HNRNPR: variants seen among roughly 807,000 people sequenced by gnomAD.
HNRNPR encodes heterogeneous nuclear ribonucleoprotein R.
A neutral mutation model predicts 70.3 loss-of-function variants in HNRNPR; 4 were observed. The observed-to-expected ratio is 0.06, with a 90% CI of 0.03 to 0.13. The LOEUF is 0.13. Ranked by LOEUF, HNRNPR falls within the 10% of genes least tolerant of loss-of-function variation. HNRNPR has a pLI of 1.00. For missense variants in HNRNPR, 423 were observed against 788.5 expected (o/e 0.54, Z 5.55); for synonymous variants, 241 against 267.6 (o/e 0.90, Z 0.97).
rs1257509667 is a variant in HNRNPR at position 23,307,270 on chromosome 1, T to C, written c.*3184A>G. On this transcript the variant is annotated 3_prime_UTR_variant, in exon 11 of 11. Coordinates refer to ENST00000302271, the MANE Select transcript of HNRNPR (RefSeq NM_005826.5). ...TATATTCAAATGGGCAGGAGGCAAATGATGTAATGAGTTTCAAGAATAATA... is the reference window on the plus strand; with the variant it reads ...TATATTCAAATGGGCAGGAGGCAAACGATGTAATGAGTTTCAAGAATAATA... 1 of 152,094 alleles carries C rather than the reference T, an allele frequency of 6.6e-6. No homozygotes were observed. Among genetic ancestry groups the C allele is most frequent in the Non-Finnish European group, 1.5e-5 (1 of 67,966 alleles). 9.4% of individuals were successfully genotyped at this position (152,094 alleles called of 1,614,324 possible).
intron 7 of HNRNPR, among the ~76,000 whole-genome samples, chr1:23,319,595 A>T (rs1230539857): frequency 2.0e-5 from 3 of 152,158 alleles, no homozygotes; most frequent in Non-Finnish European, 4.4e-5. Context: ...CTTCTCTCCA[A>T]GCCCCTATCC....
Position 23,318,746 on chromosome 1 carries a change from T to C in HNRNPR, c.812-58A>G. ...AAGCATCCACCACACATCTAGCGAT[T>C]AGGCAGACCTAAATCCACTTGACGA... On this transcript the variant is annotated intron_variant, in intron 7 of 10. Coordinates refer to ENST00000302271, the MANE Select transcript of HNRNPR (RefSeq NM_005826.5). The surrounding 1 kb of genome is among the most constrained non-coding windows in gnomAD (Gnocchi z 4.2). The C allele has an allele frequency of 1.9e-6, 3 of 1,543,260 alleles. No homozygotes were observed. Among genetic ancestry groups the C allele is most frequent in the Middle Eastern group, 1.7e-4 (1 of 5,916 alleles).
Position 23,307,114 on chromosome 1 carries a change from T to G in HNRNPR, c.*3340A>C, listed in dbSNP as rs1645214117. 1 of 152,166 alleles carries G rather than the reference T, an allele frequency of 6.6e-6. No individual in the cohort carries two copies. Among genetic ancestry groups the G allele is most frequent in the Non-Finnish European group, 1.5e-5 (1 of 68,008 alleles). 9.4% of individuals were successfully genotyped at this position (152,166 alleles called of 1,614,324 possible). A position where few individuals can be genotyped will look rare whatever the true frequency, so the allele number is the denominator to read the frequency against. On this transcript the variant is annotated 3_prime_UTR_variant, in exon 11 of 11. Coordinates refer to ENST00000302271, the MANE Select transcript of HNRNPR (RefSeq NM_005826.5). ...GTAGCTCAGTATAATAAAATTATCT[T>G]TGAAAAATCAAAATGACAAGTTTTA...
At chr1:23,329,903 T>G (rs1646146244) in intron 5 of HNRNPR, among the ~76,000 whole-genome samples, 1 of 152,160 alleles carries the variant, frequency 6.6e-6, no homozygotes, top group African/African-American at 2.4e-5. Context: ...AATGCTAGGA[T>G]TACAAGCATG....
chr1:23,318,960 G>A lies in HNRNPR; in HGVS notation c.812-272C>T, dbSNP rs561739786. On this transcript the variant is annotated intron_variant, in intron 7 of 10. Coordinates refer to ENST00000302271, the MANE Select transcript of HNRNPR (RefSeq NM_005826.5). This position sits in a 1 kb window ranked among gnomAD's most constrained non-coding sequence, Gnocchi z 4.2. ...ATTTAACATGCTACAATGTTTTAGA[G>A]CGTTTGATATAACATGACTTTATTA... Among the ~76,000 whole-genome samples, 2 of 152,212 alleles carry A rather than the reference G, an allele frequency of 1.3e-5. No homozygotes were observed. Among genetic ancestry groups the A allele is most frequent in the South Asian group, 2.1e-4 (1 of 4,826 alleles).
In HNRNPR at chr1:23,306,380, TA is replaced by T. The variant is rs914062495; in HGVS notation, c.*4073del. The T allele has an allele frequency of 8.7e-4, 125 of 143,940 alleles. No individual in the cohort carries two copies. Among genetic ancestry groups the T allele is most frequent in the Middle Eastern group, 7.1e-3 (2 of 280 alleles). 8.9% of individuals were successfully genotyped at this position (143,940 alleles called of 1,614,324 possible). A position where few individuals can be genotyped will look rare whatever the true frequency, so the allele number is the denominator to read the frequency against. On this transcript the variant is annotated 3_prime_UTR_variant, in exon 11 of 11. Coordinates refer to ENST00000302271, the MANE Select transcript of HNRNPR (RefSeq NM_005826.5). The stretch of plus-strand genomic sequence containing the variant: ...CCCACACTTAATGCCCCACTACTGA[TA>T]AAAAAAAAAATAGGAAAAAAAAGTT...
In HNRNPR at chr1:23,310,321, T is replaced by G. The variant is rs1413976639; in HGVS notation, c.*133A>C. The G allele has an allele frequency of 2.5e-6, 2 of 806,586 alleles. No homozygotes were observed. Among genetic ancestry groups the G allele is most frequent in the Non-Finnish European group, 3.9e-6 (2 of 509,176 alleles). The allele number at this position is 806,586 out of a possible 1,614,324, so 50.0% of individuals were successfully genotyped here. A position where few individuals can be genotyped will look rare whatever the true frequency, so the allele number is the denominator to read the frequency against. On this transcript the variant is annotated 3_prime_UTR_variant, in exon 11 of 11. Transcript: ENST00000302271. This position sits in a 1 kb window ranked among gnomAD's most constrained non-coding sequence, Gnocchi z 6.0. Reference sequence around the variant, plus strand: ...GACTTGAGTATATACACAATAGTGATTTCTTCAGCCCAATACAAATGGCAG... The same window carrying G: ...GACTTGAGTATATACACAATAGTGAGTTCTTCAGCCCAATACAAATGGCAG...
intron 8 of HNRNPR, among the ~76,000 whole-genome samples, chr1:23,317,643 T>A (rs1645601215): frequency 6.6e-6 from 1 of 151,994 alleles, no homozygotes; most frequent in Non-Finnish European, 1.5e-5. Context: ...AACATGACAA[T>A]CTTTTGCCTT....
rs2849019 is a variant in HNRNPR at position 23,319,624 on chromosome 1, T to C, written c.812-936A>G. On this transcript the variant is annotated intron_variant, in intron 7 of 10. Coordinates refer to ENST00000302271, the MANE Select transcript of HNRNPR (RefSeq NM_005826.5). Reference sequence around the variant, plus strand: ...CCTATCCACAGAGCGCTAGGAATAATATCCCATAAACAAGAAATAGGTGTT... The same window carrying C: ...CCTATCCACAGAGCGCTAGGAATAACATCCCATAAACAAGAAATAGGTGTT... Among the ~76,000 whole-genome samples, 705 of 152,294 alleles carry C rather than the reference T, an allele frequency of 4.6e-3. 6 individuals carry two copies. Among genetic ancestry groups the C allele is most frequent in the African/African-American group, 0.016 (676 of 41,552 alleles).
chr1:23,312,029 C>T (rs1377764620), intron 9 of HNRNPR: 1 of 152,178 alleles, frequency 6.6e-6, no homozygotes, highest in Non-Finnish European at 1.5e-5. Flanking sequence ...ACAACCTCTG[C>T]CATACATCAA....
intron 5 of HNRNPR, among the ~76,000 whole-genome samples, chr1:23,330,035 G>A (rs1202915963): frequency 6.6e-6 from 1 of 151,958 alleles, no homozygotes; most frequent in Non-Finnish European, 1.5e-5. Context: ...TACAATTCAG[G>A]TGCCACAAAG....
intron 4 of HNRNPR, among the ~76,000 whole-genome samples, chr1:23,337,450 G>C (rs147347899): frequency 6.6e-4 from 100 of 152,264 alleles, no homozygotes; most frequent in African/African-American, 2.1e-3. Context: ...AAGGTCAGGA[G>C]ATCGAGACCA....
rs771829719 is a variant in HNRNPR, at chr1:23,310,242, C to T, written c.*212G>A. On this transcript the variant is annotated 3_prime_UTR_variant, in exon 11 of 11. Transcript: ENST00000302271. This position sits in a 1 kb window ranked among gnomAD's most constrained non-coding sequence, Gnocchi z 6.0. ...CATTGTAATCCCCAGAATAAGGGAA[C>T]TCTGCAAGCCCAATAATGTCCAAGA... The T allele has an allele frequency of 1.2e-5, 5 of 430,090 alleles. No homozygotes were observed. The highest frequency in any genetic ancestry group is 2.0e-5 in the Non-Finnish European group (5 of 245,824). 26.6% of individuals were successfully genotyped at this position (430,090 alleles called of 1,614,324 possible). A position where few individuals can be genotyped will look rare whatever the true frequency, so the allele number is the denominator to read the frequency against.
chr1:23,308,655 G>A lies in HNRNPR; in HGVS notation c.*1799C>T, dbSNP rs1435518137. 2 of 151,856 alleles carry A rather than the reference G, an allele frequency of 1.3e-5. No homozygotes were observed. The highest frequency in any genetic ancestry group is 4.8e-5 in the African/African-American group (2 of 41,378). 9.4% of individuals were successfully genotyped at this position (151,856 alleles called of 1,614,324 possible). On this transcript the variant is annotated 3_prime_UTR_variant, in exon 11 of 11. Coordinates refer to ENST00000302271, the MANE Select transcript of HNRNPR (RefSeq NM_005826.5). ...TTCCAAAAAACTAAAATATCAATAA[G>A]GTCTGTTAAATGACTATACTGTGTA... is the stretch of plus-strand genomic sequence containing the variant.
chr1:23,310,533 C>A lies in HNRNPR; in HGVS notation c.1823G>T (p.Gly608Val). ...GTAACCATAGTTACCAGAATAGTCA[C>A]CACCTTGCTGAAGCGGCTGCTGAGC... is the stretch of plus-strand genomic sequence containing the variant. ...PIAQQPLQQGGDYSGNYGYNN... is the reference protein window; with the variant it reads ...PIAQQPLQQGVDYSGNYGYNN... The change falls in exon 11 of 11, where the codon GGT becomes GTT. Residue 608 changes from glycine (G) to valine (V), a missense_variant. Coordinates refer to ENST00000302271, the MANE Select transcript of HNRNPR (RefSeq NM_005826.5). The surrounding 1 kb of genome is among the most constrained non-coding windows in gnomAD (Gnocchi z 6.0). The A allele has an allele frequency of 1.2e-6, 2 of 1,614,120 alleles. No individual in the cohort carries two copies.
rs770835885 is a variant in HNRNPR at position 23,310,542 on chromosome 1, T to C, written c.1814A>G (p.Gln605Arg). The change falls in exon 11 of 11, where the codon CAG becomes CGG. Residue 605 changes from glutamine (Q) to arginine (R), a missense_variant. This residue lies in a region of HNRNPR where 39 missense variants were observed against 53.2 expected (regional missense o/e 0.73). Transcript: ENST00000302271. The surrounding 1 kb of genome is among the most constrained non-coding windows in gnomAD (Gnocchi z 6.0). ...GSQPIAQQPL[Q>R]QGGDYSGNYG... ...GTTACCAGAATAGTCACCACCTTGC[T>C]GAAGCGGCTGCTGAGCGATGGGTTG... 1.2e-6 allele frequency: 2 copies of C among 1,614,226 alleles called. No homozygotes were observed. Among genetic ancestry groups the C allele is most frequent in the Non-Finnish European group, 1.7e-6 (2 of 1,180,042 alleles).
Position 23,310,324 on chromosome 1 carries a change from C to A in HNRNPR, c.*130G>T. 1 of 833,320 alleles carries A rather than the reference C, an allele frequency of 1.2e-6. No individual in the cohort carries two copies. The allele number at this position is 833,320 out of a possible 1,614,324, so 51.6% of individuals were successfully genotyped here. A position where few individuals can be genotyped will look rare whatever the true frequency, so the allele number is the denominator to read the frequency against. On this transcript the variant is annotated 3_prime_UTR_variant, in exon 11 of 11. Coordinates refer to ENST00000302271, the MANE Select transcript of HNRNPR (RefSeq NM_005826.5). This position sits in a 1 kb window ranked among gnomAD's most constrained non-coding sequence, Gnocchi z 6.0. ...TTGAGTATATACACAATAGTGATTTCTTCAGCCCAATACAAATGGCAGCAA... is the reference window on the plus strand; with the variant it reads ...TTGAGTATATACACAATAGTGATTTATTCAGCCCAATACAAATGGCAGCAA...
Position 23,311,015 on chromosome 1 carries a change from T to G in HNRNPR, c.1341A>C (p.Arg447Ser). The G allele has an allele frequency of 1.2e-6, 2 of 1,614,056 alleles. No individual in the cohort carries two copies. Among genetic ancestry groups the G allele is most frequent in the Non-Finnish European group, 1.7e-6 (2 of 1,179,994 alleles). The change falls in exon 11 of 11, where the codon AGA becomes AGC. Residue 447 changes from arginine to serine, a missense_variant. Coordinates refer to ENST00000302271, the MANE Select transcript of HNRNPR (RefSeq NM_005826.5). ...HPPPRMPPPI[R>S]GRGRGGGRGG... Reference sequence around the variant, plus strand: ...CTCTCCCCCCACCACGACCCCGACCTCTAATTGGAGGTGGCATGCGAGGAG... The same window carrying G: ...CTCTCCCCCCACCACGACCCCGACCGCTAATTGGAGGTGGCATGCGAGGAG...
intron 8 of HNRNPR, among the ~76,000 whole-genome samples, chr1:23,315,027 C>A (rs1645476563): frequency 6.6e-6 from 1 of 152,140 alleles, no homozygotes; most frequent in South Asian, 2.1e-4. Flanking sequence ...CGCCTGTAAT[C>A]CCAGCACTTT....
Sources: allele counts gnomAD v4.1 joint callset (sites outside exome capture counted in the v4.1 genomes callset), GRCh38; gene constraint gnomAD v4.1.1; regional missense constraint gnomAD v4.1.1; non-coding constraint Gnocchi (gnomAD v3.1); transcripts MANE v1.5; gene names NCBI Gene and HGNC (gene_info 2026-07-23, HGNC 2026-07-21).